CSTPP1: variants seen among roughly 807,000 people sequenced by gnomAD.
The protein encoded by CSTPP1 is UPF0705 protein C11orf49.
At chr11:47,001,914 T>C in the CSTPP1 span, among the ~76,000 whole-genome samples, 1 of 152,174 alleles carries the variant, frequency 6.6e-6, no homozygotes, top group African/African-American at 2.4e-5. Flanking sequence ...ATTTCCAGCT[T>C]GTAGCTCTGA....
the CSTPP1 span, among the ~76,000 whole-genome samples, chr11:47,089,744 T>C: frequency 6.6e-6 from 1 of 152,192 alleles, no homozygotes; most frequent in Non-Finnish European, 1.5e-5. Flanking sequence ...TCCTGACTTA[T>C]AAATGCATAA....
the CSTPP1 span, among the ~76,000 whole-genome samples, chr11:46,950,442 G>A: frequency 2.0e-5 from 3 of 151,808 alleles, no homozygotes; most frequent in African/African-American, 7.3e-5. Context: ...CAAAGTGCTG[G>A]GATTACAGGC....
the CSTPP1 span, among the ~76,000 whole-genome samples, chr11:47,088,536 T>A: frequency 1.3e-5 from 2 of 152,122 alleles, no homozygotes; most frequent in African/African-American, 2.4e-5. Context: ...TAAAAATAAA[T>A]TTTAGTAATA....
chr11:47,122,091 A>AAAAAAAATATATATAT, the CSTPP1 span, among the ~76,000 whole-genome samples: 2 of 31,836 alleles, frequency 6.3e-5, no homozygotes, highest in African/African-American at 9.7e-5. Context: ...AAAAAAAAAA[A>AAAAAAAATATATATAT]ATATATATAT....
At chr11:47,147,554 G>A in the CSTPP1 span, among the ~76,000 whole-genome samples, 1 of 152,128 alleles carries the variant, frequency 6.6e-6, no homozygotes, top group Non-Finnish European at 1.5e-5. Flanking sequence ...CAGCACCCAG[G>A]CCAAATCTTC....
At chr11:47,161,033 G>A in the CSTPP1 span, 29 of 1,534,316 alleles carry the variant, frequency 1.9e-5, no homozygotes, top group Non-Finnish European at 2.6e-5. Context: ...AGGGTCAGCA[G>A]AACAGGCAGC....
At chr11:47,002,220 C>G in the CSTPP1 span, among the ~76,000 whole-genome samples, 3 of 152,124 alleles carry the variant, frequency 2.0e-5, no homozygotes, top group Non-Finnish European at 4.4e-5. Context: ...TCAGTTAAAG[C>G]AACCCTATCC....
At chr11:47,019,543 C>G in the CSTPP1 span, among the ~76,000 whole-genome samples, 1 of 152,022 alleles carries the variant, frequency 6.6e-6, no homozygotes, top group African/African-American at 2.4e-5. Context: ...CATTGTAGCT[C>G]AGGGAATAGA....
the CSTPP1 span, among the ~76,000 whole-genome samples, chr11:46,976,169 T>G: frequency 1.3e-5 from 2 of 152,200 alleles, no homozygotes; most frequent in African/African-American, 4.8e-5. Context: ...ATTAGGGTGT[T>G]CTTGAATGCT....
At chr11:47,006,410 C>G in the CSTPP1 span, among the ~76,000 whole-genome samples, 1 of 151,902 alleles carries the variant, frequency 6.6e-6, no homozygotes, top group South Asian at 2.1e-4. Context: ...TCTACTTGGT[C>G]TTTGGTTTTT....
At chr11:47,090,273 C>A in the CSTPP1 span, among the ~76,000 whole-genome samples, 1 of 152,316 alleles carries the variant, frequency 6.6e-6, no homozygotes, top group Non-Finnish European at 1.5e-5. Context: ...GCGTGAGCCA[C>A]TGCACCTGGC....
the CSTPP1 span, among the ~76,000 whole-genome samples, chr11:47,038,675 G>C: frequency 1.6e-5 from 2 of 123,022 alleles, no homozygotes; most frequent in Non-Finnish European, 3.9e-5. Context: ...TGGCCGGGCG[G>C]GGGGCTGACC....
chr11:46,951,710 AT>A, the CSTPP1 span, among the ~76,000 whole-genome samples: 4 of 151,934 alleles, frequency 2.6e-5, no homozygotes, highest in Admixed American at 6.6e-5. Context: ...GATGGATGTT[AT>A]TTTTTTTATG....
At chr11:47,143,586 CA>C in the CSTPP1 span, among the ~76,000 whole-genome samples, 1 of 152,216 alleles carries the variant, frequency 6.6e-6, no homozygotes, top group South Asian at 2.1e-4. Context: ...AAAGAAAAAG[CA>C]AACAGACTCC....
At chr11:47,157,674 G>A in the CSTPP1 span, 1 of 611,626 alleles carries the variant, frequency 1.6e-6, no homozygotes, top group Non-Finnish European at 2.8e-6. Context: ...CCATAGTGAA[G>A]GCCTGATCCC....
the CSTPP1 span, among the ~76,000 whole-genome samples, chr11:46,943,149 T>G: frequency 6.6e-6 from 1 of 152,202 alleles, no homozygotes; most frequent in Non-Finnish European, 1.5e-5. Flanking sequence ...ATGAATAATC[T>G]GACCTTAGGG....
At chr11:46,972,008 A>G in the CSTPP1 span, among the ~76,000 whole-genome samples, 1 of 152,218 alleles carries the variant, frequency 6.6e-6, no homozygotes, top group African/African-American at 2.4e-5. Context: ...TATAATGTCA[A>G]AAAAATGAAA....
the CSTPP1 span, among the ~76,000 whole-genome samples, chr11:47,067,605 T>A: frequency 6.6e-6 from 1 of 152,210 alleles, no homozygotes; most frequent in Non-Finnish European, 1.5e-5. Flanking sequence ...GAGCTGCCCA[T>A]GCCCCTCCAC....
the CSTPP1 span, among the ~76,000 whole-genome samples, chr11:47,015,304 T>TA: frequency 0.01 from 1,451 of 142,462 alleles, 19 homozygotes; most frequent in African/African-American, 0.031. Flanking sequence ...CCGTCTCTAC[T>TA]AAAAAAAAAA....
Sources: allele counts gnomAD v4.1 joint callset (sites outside exome capture counted in the v4.1 genomes callset), GRCh38; gene constraint gnomAD v4.1.1; transcripts MANE v1.5; gene names NCBI Gene and HGNC (gene_info 2026-07-23, HGNC 2026-07-21).